The following DIAPH2 variants were observed in gnomAD, a reference collection of about 807,000 sequenced individuals.
DIAPH2 encodes protein diaphanous homolog 2.
A neutral mutation model predicts 92.7 loss-of-function variants in DIAPH2; 35 were observed. The ratio of observed to expected loss-of-function variants is 0.38; its 90% confidence interval spans 0.29 to 0.50. The LOEUF is 0.50. DIAPH2 is among the 20% of genes least tolerant of loss of function. DIAPH2 has a pLI of 0.94. For synonymous variants in DIAPH2, 301 were observed against 280.4 expected, an observed-to-expected ratio of 1.07 and a Z score of -0.73; for missense variants, 701 against 819.5, an observed-to-expected ratio of 0.86 and a Z score of 1.77.
At chrX:96,820,456 C>T (rs991916954) in intron 4 of DIAPH2, among the ~76,000 whole-genome samples, 8 of 110,923 alleles carry the variant, frequency 7.2e-5, no homozygotes, top group African/African-American at 2.3e-4. Context: ...GGTGACAGAG[C>T]GAGACTCTGT....
intron 4 of DIAPH2, among the ~76,000 whole-genome samples, chrX:96,765,224 G>GT (rs1158925952): frequency 3.4e-4 from 34 of 100,171 alleles, no homozygotes; most frequent in African/African-American, 1.2e-3. Flanking sequence ...TTGAGAAAGG[G>GT]TCTCACTCTG....
intron 5 of DIAPH2, among the ~76,000 whole-genome samples, chrX:96,895,961 C>A (rs1214963527): frequency 9.0e-6 from 1 of 111,260 alleles, no homozygotes. Context: ...CAAACTGATT[C>A]CTAATATTTG....
At chrX:97,529,823 G>GA (rs938358801) in intron 26 of DIAPH2, among the ~76,000 whole-genome samples, 11 of 109,448 alleles carry the variant, frequency 1.0e-4, no homozygotes, top group Admixed American at 3.9e-4. Context: ...AGAGTACTGG[G>GA]AAAAAAAAAT....
intron 17 of DIAPH2, among the ~76,000 whole-genome samples, chrX:97,054,132 T>G (rs989953368): frequency 1.8e-5 from 2 of 112,191 alleles, no homozygotes; most frequent in Admixed American, 9.5e-5. Flanking sequence ...AATGAATGAC[T>G]GTGACATCTT....
chrX:97,029,445 T>C (rs1482780709), intron 17 of DIAPH2, among the ~76,000 whole-genome samples: 1 of 111,675 alleles, frequency 9.0e-6, no homozygotes, highest in African/African-American at 3.3e-5. Flanking sequence ...ATTTTATCAT[T>C]GAATTGTTGC....
intron 5 of DIAPH2, among the ~76,000 whole-genome samples, chrX:96,905,994 C>T (rs918929647): frequency 8.9e-6 from 1 of 111,738 alleles, no homozygotes; most frequent in African/African-American, 3.3e-5. Flanking sequence ...CCGGGTGTGG[C>T]GGCAGGCGCC....
chrX:97,150,601 G>T lies in DIAPH2; in HGVS notation c.2719+8807G>T, dbSNP rs1478278063. 2.7e-5 allele frequency among the ~76,000 whole-genome samples: 3 copies of T among 111,221 alleles called. No individual in the cohort carries two copies. In the East Asian group the frequency reaches 8.5e-4, roughly 31 times the overall value. On this transcript the variant is annotated intron_variant, in intron 22 of 26. Transcript: ENST00000324765. ...TTTGAGCCTCATGTATCTTTTTAAA[G>T]GCCCACTTTAAATTCCACCACTCTA... is the stretch of plus-strand genomic sequence containing the variant.
intron 4 of DIAPH2, among the ~76,000 whole-genome samples, chrX:96,789,481 C>T (rs938946010): frequency 1.8e-5 from 2 of 112,212 alleles, no homozygotes; most frequent in African/African-American, 3.2e-5. Context: ...GCATGCAAGC[C>T]TTTCTATAAA....
At chrX:96,893,967 C>T (rs1201951504) in intron 5 of DIAPH2, among the ~76,000 whole-genome samples, 1 of 112,222 alleles carries the variant, frequency 8.9e-6, no homozygotes, top group Non-Finnish European at 1.9e-5. Flanking sequence ...AGTGTATAGC[C>T]TCTCACACCA....
rs150529644 is a variant in DIAPH2 at position 97,435,583 on chromosome X, A to G, written c.3241+5838A>G. The stretch of plus-strand genomic sequence containing the variant: ...ACATCTCATTTTTCCTTCACAACCT[A>G]GTATGGATTTATCTTCTCTGAATTT... On this transcript the variant is annotated intron_variant, in intron 26 of 26. Coordinates refer to ENST00000324765, the MANE Select transcript of DIAPH2 (RefSeq NM_006729.5). 2.7e-3 allele frequency among the ~76,000 whole-genome samples: 301 copies of G among 111,075 alleles called. 1 individual carries two copies. The highest frequency in any genetic ancestry group is 0.023 in the Middle Eastern group (5 of 218).
chrX:97,411,356 G>A (rs1395399005), intron 25 of DIAPH2, among the ~76,000 whole-genome samples: 1 of 111,960 alleles, frequency 8.9e-6, no homozygotes, highest in East Asian at 2.8e-4. Context: ...CAAATGCTGA[G>A]AGATTGTGTC....
chrX:96,790,363 G>T lies in DIAPH2; in HGVS notation c.447+32105G>T, dbSNP rs191486658. On this transcript the variant is annotated intron_variant, in intron 4 of 26. Coordinates refer to ENST00000324765, the MANE Select transcript of DIAPH2 (RefSeq NM_006729.5). The stretch of plus-strand genomic sequence containing the variant: ...TGGAATTACAGGCATGAGCCACCAT[G>T]CCTGGCTTCAAAATTTAATTGCTGA... 3.6e-5 allele frequency among the ~76,000 whole-genome samples: 4 copies of T among 111,734 alleles called. No individual in the cohort carries two copies. The East Asian group carries it at 1.1e-3, about 32-fold the overall frequency.
At chrX:97,421,051 A>G (rs925943047) in intron 25 of DIAPH2, among the ~76,000 whole-genome samples, 5 of 111,809 alleles carry the variant, frequency 4.5e-5, no homozygotes, top group African/African-American at 1.6e-4. Flanking sequence ...AACTAACAAA[A>G]TCCTCTTGTC....
At chrX:96,761,341 T>G (rs1160931830) in intron 4 of DIAPH2, among the ~76,000 whole-genome samples, 1 of 102,047 alleles carries the variant, frequency 9.8e-6, no homozygotes, top group Non-Finnish European at 2.1e-5. Context: ...AGAGGCAGCA[T>G]TGGTTTTTTT....
intron 22 of DIAPH2, among the ~76,000 whole-genome samples, chrX:97,202,392 A>C (rs1039250683): frequency 8.9e-6 from 1 of 112,094 alleles, no homozygotes; most frequent in Non-Finnish European, 1.9e-5. Context: ...GTGAAGACAC[A>C]TCAGTGTGCT....
At chrX:97,137,122 T>C (rs745666619) in intron 21 of DIAPH2, among the ~76,000 whole-genome samples, 12 of 107,385 alleles carry the variant, frequency 1.1e-4, no homozygotes, top group Non-Finnish European at 2.3e-4. Context: ...TAAAAAAATG[T>C]ACAGTGCTAC....
chrX:97,416,418 C>T (rs2069947378), intron 25 of DIAPH2, among the ~76,000 whole-genome samples: 1 of 112,174 alleles, frequency 8.9e-6, no homozygotes, highest in Non-Finnish European at 1.9e-5. Context: ...AAAAGATAGC[C>T]TGTAATATAC....
At chrX:96,738,183 A>T (rs887854883) in intron 2 of DIAPH2, among the ~76,000 whole-genome samples, 1 of 111,405 alleles carries the variant, frequency 9.0e-6, no homozygotes, top group African/African-American at 3.3e-5. Context: ...CATTACCATA[A>T]TTTTCTCTTA....
intron 25 of DIAPH2, among the ~76,000 whole-genome samples, chrX:97,403,784 T>C (rs768062165): frequency 2.2e-4 from 25 of 111,198 alleles, no homozygotes; most frequent in African/African-American, 7.5e-4. Context: ...TGTAACTCTG[T>C]AAGACAAATG....
Sources: allele counts gnomAD v4.1 joint callset (sites outside exome capture counted in the v4.1 genomes callset), GRCh38; gene constraint gnomAD v4.1.1; transcripts MANE v1.5; gene names NCBI Gene and HGNC (gene_info 2026-07-23, HGNC 2026-07-21).